Variants in PRKD1 observed in about 807,000 individuals in gnomAD.
The protein encoded by PRKD1 is protein kinase D1.
PRKD1 carries 63 observed loss-of-function variants against 95.9 expected under a neutral mutation model. That is an observed-to-expected ratio of 0.66 (90% CI 0.54 to 0.81). The LOEUF (loss-of-function observed/expected upper bound fraction) is 0.81. PRKD1 is among the 30% of genes least tolerant of loss of function. The pLI is 0.00. For missense variants in PRKD1, 1,048 were observed against 1,165.3 expected (o/e 0.90, Z 1.47); for synonymous variants, 425 against 423.1 (o/e 1.00, Z -0.05).
At chr14:29,905,834 T>A (rs1163300777) in intron 1 of PRKD1, among the ~76,000 whole-genome samples, 1 of 152,190 alleles carries the variant, frequency 6.6e-6, no homozygotes, top group African/African-American at 2.4e-5. Flanking sequence ...AATGTTATGT[T>A]AACGGGCAAC....
chr14:29,861,860 GCCAGGCTGGTC>G (rs1787572973), intron 1 of PRKD1, among the ~76,000 whole-genome samples: 1 of 151,998 alleles, frequency 6.6e-6, no homozygotes. Context: ...CACCATATTG[GCCAGGCTGGTC>G]TCAAACTCCT....
chr14:29,819,714 CATAAAATAAA>C (rs545054339), intron 1 of PRKD1, among the ~76,000 whole-genome samples: 17 of 151,680 alleles, frequency 1.1e-4, no homozygotes, highest in South Asian at 2.1e-4. Context: ...AATAAAATAA[CATAAAATAAA>C]ATAAAATAAA....
At chr14:29,581,257 T>C (rs538764428) in intron 16 of PRKD1, among the ~76,000 whole-genome samples, 55 of 152,262 alleles carry the variant, frequency 3.6e-4, no homozygotes, top group Non-Finnish European at 5.9e-4. Flanking sequence ...CTCTACTCAA[T>C]GTCCCTGTTA....
intron 1 of PRKD1, among the ~76,000 whole-genome samples, chr14:29,761,780 CT>C (rs751775466): frequency 0.039 from 5,291 of 135,000 alleles, 80 homozygotes; most frequent in Non-Finnish European, 0.047. Context: ...GATGTTCTTT[CT>C]TTTTTTTTTT....
chr14:29,681,035 G>A (rs1342293770), intron 2 of PRKD1, among the ~76,000 whole-genome samples: 4 of 152,104 alleles, frequency 2.6e-5, no homozygotes, highest in Admixed American at 6.6e-5. Flanking sequence ...AAAAGGGAGC[G>A]AAGGAGCAGA....
chr14:29,857,640 T>A (rs1892556236), intron 1 of PRKD1, among the ~76,000 whole-genome samples: 1 of 152,218 alleles, frequency 6.6e-6, no homozygotes, highest in African/African-American at 2.4e-5. Context: ...GTCTCATTCA[T>A]ACACTTAGAA....
At chr14:29,758,820 G>A (rs537760857) in intron 1 of PRKD1, among the ~76,000 whole-genome samples, 1 of 152,320 alleles carries the variant, frequency 6.6e-6, no homozygotes, top group Admixed American at 6.5e-5. Context: ...CCTGTCTCCA[G>A]ATGGAGAACA....
intron 1 of PRKD1, among the ~76,000 whole-genome samples, chr14:29,888,379 C>T (rs1382006392): frequency 1.3e-5 from 2 of 151,904 alleles, no homozygotes; most frequent in Non-Finnish European, 2.9e-5. Flanking sequence ...AACTAAATGT[C>T]TTATGAATGG....
At chr14:29,919,283 A>C (rs1894999549) in intron 1 of PRKD1, among the ~76,000 whole-genome samples, 1 of 152,216 alleles carries the variant, frequency 6.6e-6, no homozygotes. Flanking sequence ...CTTTGGAAGA[A>C]ACTTCTACAC....
At chr14:29,817,143 A>C (rs188552207) in intron 1 of PRKD1, among the ~76,000 whole-genome samples, 1 of 152,294 alleles carries the variant, frequency 6.6e-6, no homozygotes, top group East Asian at 1.9e-4. Flanking sequence ...TACATATCTG[A>C]TATCTGTGAA....
intron 1 of PRKD1, among the ~76,000 whole-genome samples, chr14:29,802,028 A>G (rs1157128711): frequency 6.6e-6 from 1 of 152,192 alleles, no homozygotes; most frequent in African/African-American, 2.4e-5. Context: ...AGACATTAAT[A>G]CATTCCTGGC....
Position 29,596,462 on chromosome 14 carries a change from C to CT in PRKD1, c.2434+1028dup, listed in dbSNP as rs45462894. Among the ~76,000 whole-genome samples, 48 of 151,338 alleles carry CT rather than the reference C, an allele frequency of 3.2e-4. 1 individual carries two copies. In the South Asian group the frequency reaches 7.1e-3, roughly 22 times the overall value. Reference sequence around the variant, plus strand: ...TGTATTTTGACCAGTGGTGTCACTTCTTTTTTTTTGAGATGGAGTCTTACT... The same window carrying CT: ...TGTATTTTGACCAGTGGTGTCACTTCTTTTTTTTTTGAGATGGAGTCTTACT... On this transcript the variant is annotated intron_variant, in intron 16 of 17. Coordinates refer to ENST00000331968, the MANE Select transcript of PRKD1 (RefSeq NM_002742.3).
intron 16 of PRKD1, among the ~76,000 whole-genome samples, chr14:29,578,567 AAAAAG>A (rs1212870314): frequency 4.7e-5 from 7 of 149,072 alleles, no homozygotes; most frequent in African/African-American, 1.7e-4. Context: ...AAAAAAAAAA[AAAAAG>A]AAGAAGTTGG....
intron 1 of PRKD1, among the ~76,000 whole-genome samples, chr14:29,918,280 T>C (rs972145040): frequency 6.6e-6 from 1 of 152,130 alleles, no homozygotes; most frequent in Admixed American, 6.5e-5. Flanking sequence ...AAGAATCTTG[T>C]AGGATCACCT....
At chr14:29,829,628 C>G (rs553240708) in intron 1 of PRKD1, among the ~76,000 whole-genome samples, 7 of 152,118 alleles carry the variant, frequency 4.6e-5, no homozygotes, top group African/African-American at 1.4e-4. Context: ...AAATAATTAC[C>G]CTTAGGCAGG....
rs992044120 is a variant in PRKD1 at position 29,731,016 on chromosome 14, C to CA, written c.265-5343dup. On this transcript the variant is annotated intron_variant, in intron 1 of 17. Transcript: ENST00000331968. ...TAGAAAAATTTAAGTGTACTTACCA[C>CA]AAAAAAAAGGTAAGTAAGTGAGGTA... 3.0e-4 allele frequency among the ~76,000 whole-genome samples: 46 copies of CA among 151,030 alleles called. 1 individual carries two copies. Among genetic ancestry groups the CA allele is most frequent in the African/African-American group, 4.6e-4 (19 of 41,180 alleles).
At chr14:29,784,183 A>G (rs1040963401) in intron 1 of PRKD1, among the ~76,000 whole-genome samples, 1 of 152,194 alleles carries the variant, frequency 6.6e-6, no homozygotes, top group Non-Finnish European at 1.5e-5. Flanking sequence ...ATTCCTCTGC[A>G]TATGAATATC....
chr14:29,855,625 GA>G (rs1892469339), intron 1 of PRKD1, among the ~76,000 whole-genome samples: 1 of 152,190 alleles, frequency 6.6e-6, no homozygotes, highest in Non-Finnish European at 1.5e-5. Context: ...GGAGATTTGG[GA>G]GGAGCCAGGG....
chr14:29,598,983 ATGCT>A, intron 15 of PRKD1, 40 bp downstream of exon 15: 1 of 1,479,248 alleles, frequency 6.8e-7, no homozygotes, highest in Non-Finnish European at 9.4e-7. Flanking sequence ...GAAGCTAGCA[ATGCT>A]TCCAACTGGC....
Sources: allele counts gnomAD v4.1 joint callset (sites outside exome capture counted in the v4.1 genomes callset), GRCh38; gene constraint gnomAD v4.1.1; transcripts MANE v1.5; gene names NCBI Gene and HGNC (gene_info 2026-07-23, HGNC 2026-07-21).